Variants in AGRN observed in about 807,000 individuals in gnomAD.
AGRN encodes the protein agrin proteoglycan.
AGRN carries 106 observed loss-of-function variants against 211.0 expected under a neutral mutation model. The observed-to-expected ratio is 0.50, with a 90% CI of 0.43 to 0.59. AGRN has a LOEUF of 0.59. AGRN is among the 20% of genes least tolerant of loss of function. The pLI is 0.00. For synonymous variants in AGRN, 1,525 were observed against 1,332.5 expected (o/e 1.14, Z -3.15); for missense variants, 3,040 against 2,982.6 (o/e 1.02, Z -0.45).
At chr1:1,053,065 G>A (rs925411209) in intron 33 of AGRN, 4 of 200,944 alleles carry the variant, frequency 2.0e-5, no homozygotes, top group South Asian at 7.9e-5. Context: ...GTAGGTTTGC[G>A]TGCATGCACA....
At chr1:1,052,044 C>A in intron 33 of AGRN, 2 of 1,500,292 alleles carry the variant, frequency 1.3e-6, no homozygotes, top group Non-Finnish European at 1.8e-6. Flanking sequence ...CCCCCCGCTC[C>A]CTCTCACTCC....
In AGRN at chr1:1,048,327, G is replaced by A; in HGVS notation, c.4067G>A (p.Ser1356Asn). Residue 1356 changes from serine to asparagine, a missense_variant, in exon 23 of 36, where the codon AGC becomes AAC. Ser to Asn is a conservative substitution (Grantham distance 46). Around this residue, in one of 3 missense-constraint regions of AGRN, gnomAD observed 1,537 missense variants for 1,505.0 expected, o/e 1.02. Coordinates refer to ENST00000379370, the MANE Select transcript of AGRN (RefSeq NM_198576.4). The surrounding 1 kb of genome is among the most constrained non-coding windows in gnomAD (Gnocchi z 5.9). ...DWALGGGFTC[S>N]CPAGRGGAVC... ...GCATTGGGCGGGGGCTTCACCTGCA[G>A]CTGCCCGGCAGGCAGGGGAGGCGCC... is the stretch of plus-strand genomic sequence containing the variant. The A allele has an allele frequency of 6.8e-7, 1 of 1,478,170 alleles. No individual in the cohort carries two copies. The highest frequency in any genetic ancestry group is 1.4e-5 in the African/African-American group (1 of 71,452). 91.6% of individuals were successfully genotyped at this position (1,478,170 alleles called of 1,614,324 possible).
Position 1,054,895 on chromosome 1 carries a change from C to T in AGRN, c.6052C>T (p.Arg2018Trp), listed in dbSNP as rs1312470507. ...CGGCACAGGCTTTGTGGGCTGCTTG[C>T]GGGACGTGGTGGTGGGCCGGCACCC... ...AYGTGFVGCL[R>W]DVVVGRHPLH... The change falls in exon 36 of 36, where the codon CGG becomes TGG. Residue 2018 changes from arginine to tryptophan, a missense_variant. Physicochemically the swap from Arg to Trp is moderately radical, Grantham distance 101 (BLOSUM62 -3). This residue lies in a region of AGRN where 1,537 missense variants were observed against 1,505.0 expected (regional missense o/e 1.02). Coordinates refer to ENST00000379370, the MANE Select transcript of AGRN (RefSeq NM_198576.4). The T allele has an allele frequency of 3.2e-6, 5 of 1,551,760 alleles. No individual in the cohort carries two copies. The highest frequency in any genetic ancestry group is 2.4e-5 in the East Asian group (1 of 41,246).
intron 3 of AGRN, among the ~76,000 whole-genome samples, chr1:1,037,799 G>A (rs1644836179): frequency 6.6e-6 from 1 of 152,194 alleles, no homozygotes; most frequent in East Asian, 1.9e-4. Context: ...CTTGTCAGGT[G>A]GCCTACCTTC....
intron 33 of AGRN, chr1:1,053,273 C>T (rs181385501): frequency 4.1e-4 from 164 of 396,320 alleles, no homozygotes; most frequent in African/African-American, 2.8e-3. Context: ...TGCACCCTCA[C>T]GTGTCTCGTG....
chr1:1,033,833 C>T (rs1217188402), intron 2 of AGRN, among the ~76,000 whole-genome samples: 1 of 147,478 alleles, frequency 6.8e-6, no homozygotes, highest in Non-Finnish European at 1.5e-5. Context: ...CAGCCCCAGC[C>T]GAGCACCCCC....
At chr1:1,033,494 C>G (rs1014397082) in intron 2 of AGRN, among the ~76,000 whole-genome samples, 1 of 151,662 alleles carries the variant, frequency 6.6e-6, no homozygotes, top group South Asian at 2.1e-4. Flanking sequence ...TTCCTCCTCC[C>G]GCGACCTGCC....
intron 33 of AGRN, chr1:1,052,250 A>G (rs1269321714): frequency 3.0e-5 from 11 of 372,014 alleles, no homozygotes; most frequent in Non-Finnish European, 4.7e-5. Flanking sequence ...GGCTGTACAC[A>G]CCTGTGCGCA....
chr1:1,035,270 C>A lies in AGRN; in HGVS notation c.464-7C>A. ...GGAGCCTAACTTGGGGATTTGTTTT[C>A]TTCCAGATAAACCCGGGACCCACTT... On this transcript the variant is annotated splice_polypyrimidine_tract_variant and splice_region_variant and intron_variant, in intron 2 of 35. Transcript: ENST00000379370. 1 of 1,612,776 alleles carries A rather than the reference C, an allele frequency of 6.2e-7. No individual in the cohort carries two copies. Among genetic ancestry groups the A allele is most frequent in the Non-Finnish European group, 8.5e-7 (1 of 1,179,938 alleles).
chr1:1,052,064 A>C, intron 33 of AGRN: 4 of 1,466,982 alleles, frequency 2.7e-6, no homozygotes, highest in Non-Finnish European at 2.7e-6. Context: ...CCACTCCTCC[A>C]TCCTTCCTGG....
chr1:1,022,472 G>C lies in AGRN; in HGVS notation c.463+10G>C. The C allele has an allele frequency of 1.2e-6, 2 of 1,602,440 alleles. No homozygotes were observed. Among genetic ancestry groups the C allele is most frequent in the Non-Finnish European group, 1.7e-6 (2 of 1,172,712 alleles). ...GAGTTCTGTGTGGAAGGTGCGTGGT[G>C]GGGGGCTCGTGTGGGGGCCTGTGGG... On this transcript the variant is annotated intron_variant, in intron 2 of 35. Coordinates refer to ENST00000379370, the MANE Select transcript of AGRN (RefSeq NM_198576.4).
At chr1:1,022,564 C>G (rs986051597) in intron 2 of AGRN, 102 bp downstream of exon 2, 2 of 854,082 alleles carry the variant, frequency 2.3e-6, no homozygotes, top group South Asian at 1.8e-5. Context: ...CGTGCTGTGC[C>G]GGAGGCTGCA....
In AGRN at chr1:1,046,480, G is replaced by C. The variant is rs776599467; in HGVS notation, c.2995G>C (p.Ala999Pro). ...GCTCCTCCTGAGCCAGGCACTGCCGGCCCCCCCCGGCGCCCTCCCCCTGGC... is the reference window on the plus strand; with the variant it reads ...GCTCCTCCTGAGCCAGGCACTGCCGCCCCCCCCCGGCGCCCTCCCCCTGGC... ...PGLLLSQALP[A>P]PPGALPLAPS... Residue 999 changes from alanine (A) to proline (P), a missense_variant, in exon 18 of 36, where the codon GCC (alanine) becomes CCC (proline). This residue lies in a region of AGRN where 1,537 missense variants were observed against 1,505.0 expected (regional missense o/e 1.02). Coordinates refer to ENST00000379370, the MANE Select transcript of AGRN (RefSeq NM_198576.4). 11 of 1,605,602 alleles carry C rather than the reference G, an allele frequency of 6.9e-6. No homozygotes were observed. Among genetic ancestry groups the C allele is most frequent in the Non-Finnish European group, 9.4e-6 (11 of 1,174,762 alleles).
intron 12 of AGRN, among the ~76,000 whole-genome samples, chr1:1,044,949 T>G (rs1440941270): frequency 6.6e-6 from 1 of 152,160 alleles, no homozygotes; most frequent in Non-Finnish European, 1.5e-5. Context: ...CTCTGTGTGT[T>G]GTGTGTTCCT....
At chr1:1,027,096 C>CT (rs1644536903) in intron 2 of AGRN, among the ~76,000 whole-genome samples, 1 of 152,224 alleles carries the variant, frequency 6.6e-6, no homozygotes, top group African/African-American at 2.4e-5. Flanking sequence ...CAGCTCACAG[C>CT]AGGACCTGGG....
chr1:1,032,728 G>T lies in AGRN; in HGVS notation c.464-2549G>T, dbSNP rs1644699626. Among the ~76,000 whole-genome samples the T allele has an allele frequency of 6.6e-6, 1 of 152,212 alleles. No homozygotes were observed. Among genetic ancestry groups the T allele is most frequent in the African/African-American group, 2.4e-5 (1 of 41,452 alleles). ...GCCGGGTCCTTGCTTTCCTGGAGCT[G>T]GGGCTTGGGGAATGGGGTCGGTCAT... On this transcript the variant is annotated intron_variant, in intron 2 of 35. Coordinates refer to ENST00000379370, the MANE Select transcript of AGRN (RefSeq NM_198576.4). This position sits in a 1 kb window ranked among gnomAD's most constrained non-coding sequence, Gnocchi z 4.7.
intron 6 of AGRN, 67 bp downstream of exon 6, chr1:1,041,769 G>C (rs1331034557): frequency 3.6e-6 from 5 of 1,371,914 alleles, no homozygotes; most frequent in Non-Finnish European, 5.0e-6. Flanking sequence ...TCCCCCGGGG[G>C]AGGGCTCCGG....
At position 1,048,411 on chromosome 1, in the gene AGRN, G is replaced by A; in HGVS notation, c.4105+46G>A. 2 of 1,310,210 alleles carry A rather than the reference G, an allele frequency of 1.5e-6. No homozygotes were observed. The highest frequency in any genetic ancestry group is 2.0e-6 in the Non-Finnish European group (2 of 978,310). 81.2% of individuals were successfully genotyped at this position (1,310,210 alleles called of 1,614,324 possible). A position where few individuals can be genotyped will look rare whatever the true frequency, so the allele number is the denominator to read the frequency against. ...GGAGGGCGGGGAGGCAGCAGGGTGG[G>A]GGCAAGGATTGGGGGTGGGGCTAAG... is the stretch of plus-strand genomic sequence containing the variant. On this transcript the variant is annotated intron_variant, in intron 23 of 35. Coordinates refer to ENST00000379370, the MANE Select transcript of AGRN (RefSeq NM_198576.4). This position sits in a 1 kb window ranked among gnomAD's most constrained non-coding sequence, Gnocchi z 5.9.
At chr1:1,022,004 G>C (rs1644416486) in intron 1 of AGRN, among the ~76,000 whole-genome samples, 197 bp from the exon 2 acceptor site, 1 of 152,254 alleles carries the variant, frequency 6.6e-6, no homozygotes, top group African/African-American at 2.4e-5. Context: ...ACGCATCTCT[G>C]AGCGTTCCCG....
Sources: gnomAD v4.1 joint callset for allele counts (sites outside exome capture counted in the v4.1 genomes callset) on GRCh38, gnomAD v4.1.1 for gene constraint, gnomAD v4.1.1 regional missense constraint, Gnocchi (gnomAD v3.1) non-coding constraint, MANE v1.5 for transcripts, NCBI Gene and HGNC (gene_info 2026-07-23, HGNC 2026-07-21) for gene names.